The following KLHDC4 variants were observed in gnomAD, a reference collection of about 807,000 sequenced individuals.
KLHDC4 encodes kelch domain-containing protein 4.
Under a neutral mutation model 62.4 loss-of-function variants are expected in KLHDC4, and 90 were observed. The observed-to-expected ratio is 1.44, with a 90% CI of 1.22 to 1.72. The LOEUF (loss-of-function observed/expected upper bound fraction) is 1.72. KLHDC4 is among the 40% of genes most tolerant of loss of function. KLHDC4 has a pLI of 0.00. For missense variants in KLHDC4, 1,025 were observed against 699.7 expected (o/e 1.47, Z -5.25); for synonymous variants, 386 against 284.4 (o/e 1.36, Z -3.59).
In KLHDC4 at chr16:87,708,051, C is replaced by T. The variant is rs1320440850; in HGVS notation, c.*26G>A. The T allele has an allele frequency of 5.6e-6, 3 of 538,324 alleles. No homozygotes were observed. The highest frequency in any genetic ancestry group is 9.4e-5 in the East Asian group (2 of 21,358). The allele number at this position is 538,324 out of a possible 1,614,324, so 33.3% of individuals were successfully genotyped here. A position where few individuals can be genotyped will look rare whatever the true frequency, so the allele number is the denominator to read the frequency against. On this transcript the variant is annotated 3_prime_UTR_variant, in exon 12 of 12. Coordinates refer to ENST00000270583, the MANE Select transcript of KLHDC4 (RefSeq NM_017566.4). ...TGGGCGGACGTGGGCACAGCACTTG[C>T]CAGGCGCCCCTGGCAGGGGCTCTTC...
chr16:87,714,230 CCA>C (rs914455392), intron 8 of KLHDC4, among the ~76,000 whole-genome samples: 6 of 152,210 alleles, frequency 3.9e-5, no homozygotes, highest in African/African-American at 1.4e-4. Context: ...GCTCACTGCT[CCA>C]CAGAGGGCTG....
intron 2 of KLHDC4, 81 bp downstream of exon 2, chr16:87,761,868 G>A (rs1056907235): frequency 8.9e-6 from 12 of 1,353,996 alleles, no homozygotes; most frequent in Middle Eastern, 1.8e-4. Flanking sequence ...GGTCATTTAC[G>A]AAACCTGGTG....
chr16:87,750,203 G>C (rs1047977095), intron 4 of KLHDC4: 5 of 152,282 alleles, frequency 3.3e-5, no homozygotes, highest in Non-Finnish European at 7.3e-5. Context: ...CAATGGCAGA[G>C]ACCACCAAGC....
rs150232375 is a variant in KLHDC4 at position 87,708,801 on chromosome 16, TA to T, written c.1448-336del. ...GTGCCAACAGTTCACCACCTTTCCC[TA>T]GATTTGTGGATTTTGCTTTAGTCTC... On this transcript the variant is annotated intron_variant, in intron 10 of 11. Transcript: ENST00000270583. 7.4e-3 allele frequency among the ~76,000 whole-genome samples: 1,124 copies of T among 152,298 alleles called. 14 individuals are homozygous for T. The highest frequency in any genetic ancestry group is 0.026 in the African/African-American group (1,078 of 41,580).
chr16:87,760,771 G>A lies in KLHDC4; in HGVS notation c.191+1178C>T, dbSNP rs145417580. ...TTTACAGCCAGGCACAGCGACTCAC[G>A]CCTGTAATCCCAGCACTTTGGGAGG... On this transcript the variant is annotated intron_variant, in intron 2 of 11. Coordinates refer to ENST00000270583, the MANE Select transcript of KLHDC4 (RefSeq NM_017566.4). Among the ~76,000 whole-genome samples, 101 of 152,192 alleles carry A rather than the reference G, an allele frequency of 6.6e-4. 1 individual carries two copies. The highest frequency in any genetic ancestry group is 2.1e-3 in the African/African-American group (89 of 41,514).
In KLHDC4 at chr16:87,726,777, G is replaced by A; in HGVS notation, c.747C>T (p.Gly249=). ...TPQGGIVVYG[G]YSKQRVKKDV... The stretch of plus-strand genomic sequence containing the variant: ...CCCCCCGCCTTACCTGTTTCGAGTA[G>A]CCCCCATAGACGACGATGCCGCCCT... Residue 249 remains glycine (G), a synonymous_variant, in exon 7 of 12, where the codon GGC becomes GGT. Transcript: ENST00000270583. 1.9e-6 allele frequency: 3 copies of A among 1,567,380 alleles called. No individual in the cohort carries two copies. Among genetic ancestry groups the A allele is most frequent in the Non-Finnish European group, 1.7e-6 (2 of 1,159,000 alleles).
At chr16:87,730,414 G>C (rs1333879567) in intron 6 of KLHDC4, 138 bp downstream of exon 6, 12 of 684,568 alleles carry the variant, frequency 1.8e-5, no homozygotes, top group East Asian at 1.6e-4. Flanking sequence ...GCAAGGCCCT[G>C]TGTGGCTGCC....
intron 7 of KLHDC4, among the ~76,000 whole-genome samples, chr16:87,715,212 G>A (rs563477987): frequency 1.3e-5 from 2 of 152,030 alleles, no homozygotes; most frequent in African/African-American, 2.4e-5. Flanking sequence ...TGGGTGGAGG[G>A]CCCCCATCCA....
intron 5 of KLHDC4, chr16:87,730,876 A>G (rs1003678526): frequency 2.4e-6 from 1 of 418,596 alleles, no homozygotes; most frequent in Admixed American, 4.4e-5. Flanking sequence ...CATCTCCAAG[A>G]CCTTGGACTG....
chr16:87,741,212 T>G (rs1308766564), intron 5 of KLHDC4, among the ~76,000 whole-genome samples: 1 of 152,206 alleles, frequency 6.6e-6, no homozygotes, highest in Admixed American at 6.5e-5. Flanking sequence ...TCATCCAATG[T>G]GCTACAAAAA....
At chr16:87,765,751 G>T in intron 1 of KLHDC4, 41 bp downstream of exon 1, 3 of 1,536,206 alleles carry the variant, frequency 2.0e-6, no homozygotes, top group Non-Finnish European at 2.6e-6. Context: ...AGGCTGCACG[G>T]CCGCGACGTC....
intron 3 of KLHDC4, 107 bp from the exon 4 acceptor site, chr16:87,755,399 G>T: frequency 3.2e-6 from 2 of 632,928 alleles, no homozygotes; most frequent in Middle Eastern, 2.7e-4. Context: ...CATGCTAAAG[G>T]AATGTAAACC....
exon 1 of KLHDC4, chr16:87,699,940 T>C (rs947410732): frequency 6.6e-6 from 1 of 152,078 alleles, no homozygotes; most frequent in African/African-American, 2.4e-5. Context: ...AAATGAAATG[T>C]TTTTCATACT....
At chr16:87,731,792 C>T (rs887807915) in intron 5 of KLHDC4, among the ~76,000 whole-genome samples, 20 of 152,202 alleles carry the variant, frequency 1.3e-4, no homozygotes, top group Admixed American at 5.2e-4. Context: ...CACCAGCAGC[C>T]GAGCTGTCCC....
At position 87,709,372 on chromosome 16, in the gene KLHDC4, T is replaced by G. The variant is rs746162046; in HGVS notation, c.1340A>C (p.Tyr447Ser). 1 of 1,613,424 alleles carries G rather than the reference T, an allele frequency of 6.2e-7. No individual in the cohort carries two copies. Among genetic ancestry groups the G allele is most frequent in the African/African-American group, 1.3e-5 (1 of 75,046 alleles). ...GTCGCCGGCCTCAAACATGCCCCCA[T>G]AGACGTAGAGCACCCCATGCTTCAC... ...LAVKHGVLYV[Y>S]GGMFEAGDRQ... Residue 447 changes from tyrosine to serine, a missense_variant, in exon 10 of 12, where the codon TAT (tyrosine) becomes TCT (serine). Coordinates refer to ENST00000270583, the MANE Select transcript of KLHDC4 (RefSeq NM_017566.4).
chr16:87,705,312 G>A (rs1004056746), downstream of KLHDC4, among the ~76,000 whole-genome samples: 3 of 152,242 alleles, frequency 2.0e-5, no homozygotes, highest in Admixed American at 6.5e-5. Flanking sequence ...CCACAGGCCC[G>A]TGGGGCAGGC....
chr16:87,756,323 T>C, intron 3 of KLHDC4, 76 bp downstream of exon 3: 1 of 1,121,240 alleles, frequency 8.9e-7, no homozygotes, highest in Admixed American at 1.7e-5. Context: ...ATATTTGATG[T>C]CACTGCCTTA....
intron 5 of KLHDC4, among the ~76,000 whole-genome samples, chr16:87,734,761 C>G (rs180863993): frequency 1.0e-3 from 157 of 152,334 alleles, no homozygotes; most frequent in African/African-American, 3.5e-3. Flanking sequence ...GTCCTGCAAG[C>G]TGGCCTCACT....
chr16:87,707,038 C>T (rs1597356053), downstream of KLHDC4, among the ~76,000 whole-genome samples: 1 of 152,192 alleles, frequency 6.6e-6, no homozygotes, highest in Non-Finnish European at 1.5e-5. Context: ...TCATCAGCCC[C>T]GTTATAGAAA....
Sources: allele counts gnomAD v4.1 joint callset (sites outside exome capture counted in the v4.1 genomes callset), GRCh38; gene constraint gnomAD v4.1.1; transcripts MANE v1.5; gene names NCBI Gene and HGNC (gene_info 2026-07-23, HGNC 2026-07-21).